UBE2H: variants seen among roughly 807,000 people sequenced by gnomAD.
UBE2H encodes ubiquitin conjugating enzyme E2 H.
Under a neutral mutation model 29.0 loss-of-function variants are expected in UBE2H, and 3 were observed. The ratio of observed to expected loss-of-function variants is 0.10; its 90% CI spans 0.05 to 0.27. UBE2H has a LOEUF of 0.27. UBE2H is among the 10% of genes least tolerant of loss of function. The pLI, the probability that UBE2H is intolerant of heterozygous loss-of-function variation, is 1.00. For synonymous variants in UBE2H, 69 were observed against 82.9 expected (o/e 0.83, Z 0.91); for missense variants, 68 against 228.2 (o/e 0.30, Z 4.52).
At chr7:129,926,832 C>T (rs1235012211) in intron 1 of UBE2H, among the ~76,000 whole-genome samples, 1 of 152,134 alleles carries the variant, frequency 6.6e-6, no homozygotes, top group Non-Finnish European at 1.5e-5. Flanking sequence ...ATAAAAAGCT[C>T]AGCCCCTTCT....
chr7:129,908,057 A>G (rs900656698), intron 1 of UBE2H, among the ~76,000 whole-genome samples: 23 of 152,288 alleles, frequency 1.5e-4, no homozygotes, highest in South Asian at 8.3e-4. Flanking sequence ...GTGGTTGTTC[A>G]ATATTCACCA....
intron 1 of UBE2H, among the ~76,000 whole-genome samples, chr7:129,886,747 C>G (rs1055686274): frequency 1.1e-5 from 1 of 90,522 alleles, no homozygotes; most frequent in African/African-American, 4.8e-5. Flanking sequence ...ATTTTCACTA[C>G]CTGGTTTTTT....
chr7:129,921,053 ATTTT>A, intron 1 of UBE2H, among the ~76,000 whole-genome samples: 1 of 147,464 alleles, frequency 6.8e-6, no homozygotes, highest in East Asian at 2.0e-4. Flanking sequence ...ATTACACGTG[ATTTT>A]TTTTTTTAAA....
rs1805239360 is a variant in UBE2H at position 129,832,110 on chromosome 7, C to T, written c.*2827G>A. On this transcript the variant is annotated 3_prime_UTR_variant, in exon 7 of 7. Transcript: ENST00000355621. ...GAAACACCGCTGCTCCAGACTTACG[C>T]TACCATCTATTGTTGGGGGCCCAGA... is the stretch of plus-strand genomic sequence containing the variant. 6.6e-6 allele frequency: 1 copy of T among 152,288 alleles called. No individual in the cohort carries two copies. Among genetic ancestry groups the T allele is most frequent in the African/African-American group, 2.4e-5 (1 of 41,456 alleles). The allele number at this position is 152,288 out of a possible 1,614,324, so 9.4% of individuals were successfully genotyped here.
chr7:129,907,257 T>C (rs1178547561), intron 1 of UBE2H, among the ~76,000 whole-genome samples: 1 of 152,122 alleles, frequency 6.6e-6, no homozygotes, highest in African/African-American at 2.4e-5. Context: ...TCAATACAAG[T>C]TGCGATAGTT....
chr7:129,890,099 C>G (rs1205458107), intron 1 of UBE2H, among the ~76,000 whole-genome samples: 1 of 152,010 alleles, frequency 6.6e-6, no homozygotes, highest in African/African-American at 2.4e-5. Context: ...CACTACTGAA[C>G]TCCAGCCTGG....
intron 3 of UBE2H, among the ~76,000 whole-genome samples, chr7:129,867,740 A>AAAAAAAACAAAAAAAAAAAAAAAAG (rs768415224): frequency 7.2e-6 from 1 of 138,310 alleles, no homozygotes; most frequent in Non-Finnish European, 1.6e-5. Flanking sequence ...AAAAAAAAAA[A>AAAAAAAACAAAAAAAAAAAAAAAAG]AAGAAGACCA....
At chr7:129,946,555 G>A (rs1051852601) in intron 1 of UBE2H, among the ~76,000 whole-genome samples, 2 of 152,138 alleles carry the variant, frequency 1.3e-5, no homozygotes, top group Non-Finnish European at 2.9e-5. Context: ...CATCATCTGC[G>A]AACTTCTTAG....
At chr7:129,842,642 A>G (rs1805447414) in intron 5 of UBE2H, among the ~76,000 whole-genome samples, 1 of 152,000 alleles carries the variant, frequency 6.6e-6, no homozygotes, top group Non-Finnish European at 1.5e-5. Context: ...GTGGCTTACA[A>G]CTGTAATCCC....
At chr7:129,896,606 T>C (rs1020293830) in intron 1 of UBE2H, among the ~76,000 whole-genome samples, 2 of 152,148 alleles carry the variant, frequency 1.3e-5, no homozygotes, top group Non-Finnish European at 1.5e-5. Flanking sequence ...GGTCTCCTTA[T>C]GTTGCCCAGA....
intron 3 of UBE2H, among the ~76,000 whole-genome samples, chr7:129,869,893 T>G (rs901686230): frequency 1.3e-5 from 2 of 151,890 alleles, no homozygotes; most frequent in African/African-American, 4.8e-5. Context: ...ACCTACAATC[T>G]TCCCTTCCCC....
chr7:129,948,551 C>T (rs762352936), intron 1 of UBE2H, among the ~76,000 whole-genome samples: 1 of 152,172 alleles, frequency 6.6e-6, no homozygotes, highest in Admixed American at 6.5e-5. Flanking sequence ...ACTGGGCTCA[C>T]ACCTGTAATT....
At chr7:129,839,177 G>A (rs1397134278) in intron 6 of UBE2H, 30 bp downstream of exon 6, 1 of 1,600,692 alleles carries the variant, frequency 6.2e-7, no homozygotes, top group African/African-American at 1.3e-5. Flanking sequence ...AAGTTCTTTT[G>A]TCTCCAGGTT....
intron 1 of UBE2H, among the ~76,000 whole-genome samples, chr7:129,897,991 T>G (rs1806634052): frequency 6.6e-6 from 1 of 152,102 alleles, no homozygotes; most frequent in African/African-American, 2.4e-5. Flanking sequence ...ATAAAAAACT[T>G]TCAACAAAAA....
chr7:129,909,325 G>C (rs901663021), intron 1 of UBE2H, among the ~76,000 whole-genome samples: 9 of 152,132 alleles, frequency 5.9e-5, no homozygotes, highest in South Asian at 2.1e-4. Context: ...GGGCAGGCAG[G>C]GGGTAGGTAT....
intron 3 of UBE2H, among the ~76,000 whole-genome samples, chr7:129,866,522 C>CAG (rs1163420827): frequency 1.3e-5 from 2 of 152,094 alleles, no homozygotes; most frequent in African/African-American, 4.8e-5. Context: ...TTTTCATGGT[C>CAG]AGAGACAATA....
At chr7:129,928,070 C>T (rs1030517895) in intron 1 of UBE2H, among the ~76,000 whole-genome samples, 3 of 150,562 alleles carry the variant, frequency 2.0e-5, no homozygotes, top group Admixed American at 6.6e-5. Flanking sequence ...CAGTGGCTCA[C>T]GCCTGTAATC....
chr7:129,868,762 A>G (rs1379771170), intron 3 of UBE2H, among the ~76,000 whole-genome samples: 1 of 152,132 alleles, frequency 6.6e-6, no homozygotes, highest in African/African-American at 2.4e-5. Context: ...GAATTTAGAC[A>G]TTACAGCCTG....
chr7:129,910,332 A>T (rs1806906848), intron 1 of UBE2H, among the ~76,000 whole-genome samples: 2 of 151,820 alleles, frequency 1.3e-5, no homozygotes, highest in Non-Finnish European at 2.9e-5. Context: ...CTATCTCAAA[A>T]AAAAAACAAA....
Sources: allele counts gnomAD v4.1 joint callset (sites outside exome capture counted in the v4.1 genomes callset), GRCh38; gene constraint gnomAD v4.1.1; transcripts MANE v1.5; gene names NCBI Gene and HGNC (gene_info 2026-07-23, HGNC 2026-07-21).